The following PHKB variants were observed in gnomAD, a reference collection of about 807,000 sequenced individuals.
PHKB encodes phosphorylase b kinase regulatory subunit beta.
PHKB carries 122 observed loss-of-function variants against 152.1 expected under a neutral mutation model. The observed-to-expected ratio is 0.80, with a 90% confidence interval of 0.69 to 0.93. The LOEUF (loss-of-function observed/expected upper bound fraction) is 0.93. Ranked by LOEUF, PHKB falls within the 40% of genes least tolerant of loss-of-function variation. PHKB has a pLI of 0.00. For synonymous variants in PHKB, 436 were observed against 464.9 expected (o/e 0.94, Z 0.80); for missense variants, 1,304 against 1,328.4 (o/e 0.98, Z 0.29).
intron 14 of PHKB, among the ~76,000 whole-genome samples, chr16:47,622,544 G>T (rs1972634907): frequency 6.6e-6 from 1 of 152,128 alleles, no homozygotes; most frequent in Non-Finnish European, 1.5e-5. Context: ...TACTTTAATG[G>T]CAGAATTATT....
chr16:47,508,341 A>C, intron 4 of PHKB, among the ~76,000 whole-genome samples: 1 of 152,162 alleles, frequency 6.6e-6, no homozygotes, highest in East Asian at 1.9e-4. Flanking sequence ...GCCTACAGAG[A>C]GGCATTCAGA....
chr16:47,503,014 G>A lies in PHKB; in HGVS notation c.329G>A (p.Arg110Lys). 3 of 1,613,060 alleles carry A rather than the reference G, an allele frequency of 1.9e-6. No homozygotes were observed. Among genetic ancestry groups the A allele is most frequent in the Non-Finnish European group, 2.5e-6 (3 of 1,179,010 alleles). Residue 110 changes from arginine to lysine, a missense_variant, in exon 4 of 31, where the codon AGG becomes AAG. By Grantham distance (26) the Arg-to-Lys change is conservative. Coordinates refer to ENST00000323584, the MANE Select transcript of PHKB (RefSeq NM_000293.3). The part of the protein sequence containing the change: ...AYRRIDDDKG[R>K]THELEHSAIK... ...AGGCGAATTGATGATGACAAGGGAA[G>A]GACCCATGAGCTGGAGCACTCAGCT...
chr16:47,509,382 T>C (rs1481364015), intron 4 of PHKB, among the ~76,000 whole-genome samples: 1 of 152,194 alleles, frequency 6.6e-6, no homozygotes, highest in Non-Finnish European at 1.5e-5. Flanking sequence ...TACTGATAGG[T>C]TCAGACTTTT....
At chr16:47,616,160 A>G (rs574928410) in intron 14 of PHKB, among the ~76,000 whole-genome samples, 1 of 152,162 alleles carries the variant, frequency 6.6e-6, no homozygotes, top group South Asian at 2.1e-4. Context: ...GAAGCACGGA[A>G]GTTTCTAATT....
chr16:47,584,777 T>C lies in PHKB; in HGVS notation c.775-2891T>C, dbSNP rs111711899. ...ATAAGAATGTGAAGATCATGTACGA[T>C]AGGTAGATCCAATGACCAGTTGTAC... On this transcript the variant is annotated intron_variant, in intron 8 of 30. Coordinates refer to ENST00000323584, the MANE Select transcript of PHKB (RefSeq NM_000293.3). Among the ~76,000 whole-genome samples, 86 of 152,318 alleles carry C rather than the reference T, an allele frequency of 5.6e-4. 2 individuals carry two copies. Among genetic ancestry groups the C allele is most frequent in the African/African-American group, 1.9e-3 (80 of 41,568 alleles).
intron 21 of PHKB, 45 bp downstream of exon 21, chr16:47,660,612 C>G: frequency 6.2e-7 from 1 of 1,612,054 alleles, no homozygotes; most frequent in Non-Finnish European, 8.5e-7. Flanking sequence ...TTTGAAATTA[C>G]ATTAGAAAAG....
rs539011641 is a variant in PHKB, at chr16:47,514,724, C to CA, written c.514-796dup. ...AAATTGACACCTAAAATGAACCACA[C>CA]AGGGTTGTGCCTGTTGTGGCACGTA... On this transcript the variant is annotated intron_variant, in intron 5 of 30. Transcript: ENST00000323584. 4.2e-3 allele frequency among the ~76,000 whole-genome samples: 634 copies of CA among 152,342 alleles called. 6 individuals carry two copies. Among genetic ancestry groups the CA allele is most frequent in the African/African-American group, 0.015 (603 of 41,580 alleles).
At chr16:47,533,941 C>T (rs775321874) in intron 6 of PHKB, among the ~76,000 whole-genome samples, 7 of 152,140 alleles carry the variant, frequency 4.6e-5, no homozygotes, top group Admixed American at 6.5e-5. Context: ...GGCCTGGGCC[C>T]ACAGCCACAA....
intron 29 of PHKB, 96 bp downstream of exon 29, chr16:47,696,584 A>C: frequency 1.3e-6 from 1 of 769,676 alleles, no homozygotes; most frequent in Admixed American, 1.8e-5. Context: ...CCAGAATCCT[A>C]TTCTTTCCAG....
At chr16:47,624,369 TAA>T (rs1972671762) in intron 14 of PHKB, among the ~76,000 whole-genome samples, 1 of 152,216 alleles carries the variant, frequency 6.6e-6, no homozygotes, top group Admixed American at 6.5e-5. Context: ...GAAGAATGAA[TAA>T]CCCTATGTAG....
At chr16:47,608,358 G>A (rs1282680225) in intron 13 of PHKB, among the ~76,000 whole-genome samples, 2 of 152,184 alleles carry the variant, frequency 1.3e-5, no homozygotes, top group African/African-American at 2.4e-5. Flanking sequence ...TATATATGGT[G>A]TGAGGAAAAG....
chr16:47,502,885 C>G, intron 3 of PHKB, 106 bp from the exon 4 acceptor site: 1 of 750,180 alleles, frequency 1.3e-6, no homozygotes. Flanking sequence ...GTAGACATCA[C>G]CAGAACACAG....
At chr16:47,486,146 A>G (rs1403275422) in intron 1 of PHKB, among the ~76,000 whole-genome samples, 1 of 152,222 alleles carries the variant, frequency 6.6e-6, no homozygotes, top group African/African-American at 2.4e-5. Flanking sequence ...TGGTGAAAAT[A>G]AAATGTATTG....
chr16:47,581,612 G>A (rs1226743951), intron 8 of PHKB, among the ~76,000 whole-genome samples: 6 of 152,186 alleles, frequency 3.9e-5, no homozygotes, highest in Non-Finnish European at 8.8e-5. Flanking sequence ...GCAAATAAAA[G>A]TTAGTTAGCA....
intron 7 of PHKB, among the ~76,000 whole-genome samples, chr16:47,558,775 C>T (rs570665699): frequency 1.8e-4 from 28 of 152,390 alleles, no homozygotes; most frequent in Non-Finnish European, 3.4e-4. Flanking sequence ...TCTTGAGCCC[C>T]TGACCTCAAG....
At chr16:47,683,179 G>A (rs1973895745) in intron 26 of PHKB, among the ~76,000 whole-genome samples, 2 of 152,188 alleles carry the variant, frequency 1.3e-5, no homozygotes, top group Admixed American at 1.3e-4. Context: ...CCCCTACTGG[G>A]GGGTGCCTCC....
chr16:47,528,705 T>TC, intron 6 of PHKB, among the ~76,000 whole-genome samples: 1 of 150,548 alleles, frequency 6.6e-6, no homozygotes, highest in East Asian at 1.9e-4. Flanking sequence ...TCTTTTTTTT[T>TC]TTTTTTTTAT....
intron 6 of PHKB, among the ~76,000 whole-genome samples, chr16:47,531,168 G>A (rs1006626716): frequency 4.3e-4 from 65 of 152,114 alleles, no homozygotes; most frequent in African/African-American, 1.5e-3. Flanking sequence ...ACACACATAC[G>A]TATATGGAGT....
At chr16:47,588,862 A>T (rs566655075) in intron 9 of PHKB, 43 bp from the exon 10 acceptor site, 1 of 1,524,292 alleles carries the variant, frequency 6.6e-7, no homozygotes, top group African/African-American at 1.4e-5. Context: ...TGTTGATCAC[A>T]TCGCTGTGGA....
Sources: gnomAD v4.1 joint callset for allele counts (sites outside exome capture counted in the v4.1 genomes callset) on GRCh38, gnomAD v4.1.1 for gene constraint, MANE v1.5 for transcripts, NCBI Gene and HGNC (gene_info 2026-07-23, HGNC 2026-07-21) for gene names.